CAMK1D: variants seen among roughly 807,000 people sequenced by gnomAD.
The protein encoded by CAMK1D is calcium/calmodulin-dependent protein kinase type 1D.
CAMK1D carries 9 observed loss-of-function variants against 47.7 expected under a neutral mutation model. The observed-to-expected ratio is 0.19, with a 90% confidence interval of 0.11 to 0.33. The LOEUF (loss-of-function observed/expected upper bound fraction) is 0.33. Among genes scored for constraint, CAMK1D ranks in the 10% least tolerant of loss-of-function variants. The probability of loss-of-function intolerance (pLI) is 1.00; values close to 1 mark genes in which losing one functional copy is unlikely to be tolerated. For synonymous variants in CAMK1D, 184 were observed against 184.9 expected (o/e 0.99, Z 0.04); for missense variants, 291 against 488.7 (o/e 0.60, Z 3.81).
At chr10:12,396,033 C>A in intron 1 of CAMK1D, among the ~76,000 whole-genome samples, 1 of 151,970 alleles carries the variant, frequency 6.6e-6, no homozygotes, top group Non-Finnish European at 1.5e-5. Flanking sequence ...GCCACCACAC[C>A]TGGCTAATTT....
intron 3 of CAMK1D, among the ~76,000 whole-genome samples, chr10:12,695,462 G>A (rs968123546): frequency 5.9e-5 from 9 of 152,292 alleles, no homozygotes; most frequent in African/African-American, 2.2e-4. Flanking sequence ...TCCCAGCTCA[G>A]CTTCCTCCCT....
At chr10:12,576,360 G>C (rs1837488473) in intron 2 of CAMK1D, among the ~76,000 whole-genome samples, 1 of 152,198 alleles carries the variant, frequency 6.6e-6, no homozygotes, top group Non-Finnish European at 1.5e-5. Flanking sequence ...CTTGGAACCA[G>C]GGATTGCCTA....
intron 1 of CAMK1D, among the ~76,000 whole-genome samples, chr10:12,379,033 C>CT (rs1240721327): frequency 6.6e-6 from 1 of 152,096 alleles, no homozygotes; most frequent in Admixed American, 6.5e-5. Context: ...TGGTCTCAAA[C>CT]TCCTGATCTC....
At chr10:12,655,910 G>A (rs942822435) in intron 2 of CAMK1D, among the ~76,000 whole-genome samples, 6 of 152,218 alleles carry the variant, frequency 3.9e-5, no homozygotes, top group African/African-American at 1.2e-4. Flanking sequence ...TTGTCACCAG[G>A]CTTCTGTGTA....
intron 2 of CAMK1D, among the ~76,000 whole-genome samples, chr10:12,650,113 C>T (rs1839918156): frequency 6.6e-6 from 1 of 152,260 alleles, no homozygotes; most frequent in South Asian, 2.1e-4. Flanking sequence ...TCACAGCAGT[C>T]CCTCCTCTAC....
intron 2 of CAMK1D, among the ~76,000 whole-genome samples, chr10:12,584,439 C>G (rs964342736): frequency 1.2e-4 from 19 of 152,166 alleles, no homozygotes; most frequent in African/African-American, 3.9e-4. Flanking sequence ...ATTTCTGTTG[C>G]TGTGCATATT....
chr10:12,425,264 T>TTTTCTTTC (rs148930488), intron 1 of CAMK1D, among the ~76,000 whole-genome samples: 3,133 of 146,652 alleles, frequency 0.021, 43 homozygotes, highest in South Asian at 0.04. Context: ...TGCCCCTTTC[T>TTTTCTTTC]TTTCTTTCTT....
At chr10:12,567,360 A>G (rs1837157363) in intron 2 of CAMK1D, among the ~76,000 whole-genome samples, 2 of 152,168 alleles carry the variant, frequency 1.3e-5, no homozygotes, top group Admixed American at 6.5e-5. Flanking sequence ...ACCATGATGG[A>G]CAACAGAGCG....
chr10:12,441,284 A>G (rs923034675), intron 1 of CAMK1D, among the ~76,000 whole-genome samples: 1 of 152,096 alleles, frequency 6.6e-6, no homozygotes, highest in Admixed American at 6.6e-5. Flanking sequence ...TGCAGCCTCC[A>G]TCTGCTGGGC....
chr10:12,564,780 A>G (rs1390695653), intron 2 of CAMK1D, among the ~76,000 whole-genome samples: 2 of 152,246 alleles, frequency 1.3e-5, no homozygotes, highest in African/African-American at 4.8e-5. Flanking sequence ...GTATCTTTTA[A>G]GAAATACAGT....
chr10:12,798,867 C>T (rs1838304603), intron 6 of CAMK1D, among the ~76,000 whole-genome samples: 1 of 152,136 alleles, frequency 6.6e-6, no homozygotes, highest in South Asian at 2.1e-4. Context: ...GAATCAGGGG[C>T]TCTTTATTAT....
intron 5 of CAMK1D, among the ~76,000 whole-genome samples, chr10:12,779,750 C>T (rs1469805273): frequency 6.6e-6 from 1 of 152,074 alleles, no homozygotes; most frequent in Non-Finnish European, 1.5e-5. Flanking sequence ...TTTTTTGAGC[C>T]TTATTCAGTG....
At chr10:12,818,449 T>A (rs1253096479) in intron 8 of CAMK1D, among the ~76,000 whole-genome samples, 1 of 152,076 alleles carries the variant, frequency 6.6e-6, no homozygotes, top group Non-Finnish European at 1.5e-5. Context: ...GGCGGGTAGG[T>A]CACTTGAGGT....
At position 12,536,369 on chromosome 10, in the gene CAMK1D, C is replaced by T. The variant is rs566174918; in HGVS notation, c.93-16856C>T. On this transcript the variant is annotated intron_variant, in intron 1 of 10. Coordinates refer to ENST00000619168, the MANE Select transcript of CAMK1D (RefSeq NM_153498.4). Reference sequence around the variant, plus strand: ...TCTTGGCTCACTGCAGCCTCCGCCTCCCAGGTTCAAGCCATTCTCCTACCT... The same window carrying T: ...TCTTGGCTCACTGCAGCCTCCGCCTTCCAGGTTCAAGCCATTCTCCTACCT... Among the ~76,000 whole-genome samples the T allele has an allele frequency of 1.4e-3, 215 of 152,260 alleles. 2 individuals carry two copies. The highest frequency in any genetic ancestry group is 6.8e-3 in the Middle Eastern group (2 of 294).
At chr10:12,683,093 T>TC (rs1369030763) in intron 3 of CAMK1D, among the ~76,000 whole-genome samples, 1 of 150,070 alleles carries the variant, frequency 6.7e-6, no homozygotes, top group African/African-American at 2.4e-5. Flanking sequence ...AGCTAATTTT[T>TC]TTTTTTTTTT....
At chr10:12,685,350 AACCTTTAGTG>A (rs1343944865) in intron 3 of CAMK1D, among the ~76,000 whole-genome samples, 1 of 152,154 alleles carries the variant, frequency 6.6e-6, no homozygotes, top group Non-Finnish European at 1.5e-5. Flanking sequence ...GCTGTACTAG[AACCTTTAGTG>A]ACCTTTAGTT....
rs575334765 is a variant in CAMK1D, at chr10:12,505,229, G to A, written c.93-47996G>A. Among the ~76,000 whole-genome samples, 15 of 152,328 alleles carry A rather than the reference G, an allele frequency of 9.8e-5. No individual in the cohort carries two copies. The South Asian group carries it at 1.2e-3, about 13-fold the overall frequency. On this transcript the variant is annotated intron_variant, in intron 1 of 10. Coordinates refer to ENST00000619168, the MANE Select transcript of CAMK1D (RefSeq NM_153498.4). ...GAGCAAAGTGAAACTTGGAGGCCAC[G>A]TTGGCCATGTGTGTTAAGAACAGAT...
At position 12,541,370 on chromosome 10, in the gene CAMK1D, C is replaced by CT. The variant is rs530738537; in HGVS notation, c.93-11848dup. Among the ~76,000 whole-genome samples, 259 of 152,118 alleles carry CT rather than the reference C, an allele frequency of 1.7e-3. 1 individual carries two copies. The highest frequency in any genetic ancestry group is 5.8e-3 in the African/African-American group (239 of 41,496). On this transcript the variant is annotated intron_variant, in intron 1 of 10. Transcript: ENST00000619168. ...CTGGTTTTTTGTTTTTCTTTCTTTT[C>CT]TTTTTTTGTTTAAGATGGAGTCTTG...
chr10:12,699,075 A>C (rs968079126), intron 3 of CAMK1D, among the ~76,000 whole-genome samples: 1 of 152,010 alleles, frequency 6.6e-6, no homozygotes, highest in Non-Finnish European at 1.5e-5. Context: ...ATTCTCCCCA[A>C]ATTGCCCTTG....
Sources: gnomAD v4.1 joint callset for allele counts (sites outside exome capture counted in the v4.1 genomes callset) on GRCh38, gnomAD v4.1.1 for gene constraint, MANE v1.5 for transcripts, NCBI Gene and HGNC (gene_info 2026-07-23, HGNC 2026-07-21) for gene names.